DLG2: variants seen among roughly 807,000 people sequenced by gnomAD.
The protein encoded by DLG2 is discs large MAGUK scaffold protein 2.
A neutral mutation model predicts 132.5 loss-of-function variants in DLG2; 45 were observed. The ratio of observed to expected loss-of-function variants is 0.34; its 90% CI spans 0.27 to 0.44. The LOEUF (loss-of-function observed/expected upper bound fraction) is 0.44. DLG2 is among the 20% of genes least tolerant of loss of function. DLG2 has a pLI of 1.00. For missense variants in DLG2, 1,045 were observed against 1,196.9 expected (o/e 0.87, Z 1.87); for synonymous variants, 424 against 419.6 (o/e 1.01, Z -0.13).
intron 6 of DLG2, among the ~76,000 whole-genome samples, chr11:84,544,553 C>T (rs1686831002): frequency 6.6e-6 from 1 of 152,158 alleles, no homozygotes; most frequent in African/African-American, 2.4e-5. Context: ...AAGAGGCAGC[C>T]TCACATAGTG....
At chr11:83,847,395 A>G (rs2058835144) in intron 16 of DLG2, among the ~76,000 whole-genome samples, 1 of 152,216 alleles carries the variant, frequency 6.6e-6, no homozygotes, top group Non-Finnish European at 1.5e-5. Context: ...GCATTATGGT[A>G]TTATGAAACT....
intron 6 of DLG2, among the ~76,000 whole-genome samples, chr11:85,018,921 A>G (rs535685154): frequency 5.3e-5 from 8 of 152,132 alleles, no homozygotes; most frequent in Admixed American, 6.6e-5. Context: ...TCTTAAGACT[A>G]TAACACTTTT....
chr11:83,572,777 G>C (rs139716570), intron 19 of DLG2, among the ~76,000 whole-genome samples: 41 of 152,156 alleles, frequency 2.7e-4, no homozygotes, highest in African/African-American at 8.9e-4. Flanking sequence ...TTGTTGGATG[G>C]GTCTCTTGGT....
intron 3 of DLG2, among the ~76,000 whole-genome samples, chr11:85,341,130 G>GTTTTGT (rs991968904): frequency 6.6e-6 from 1 of 151,686 alleles, no homozygotes; most frequent in Non-Finnish European, 1.5e-5. Context: ...GTTTTGTTTT[G>GTTTTGT]TTTTTTGAGA....
At chr11:84,533,653 C>A (rs1261456885) in intron 7 of DLG2, among the ~76,000 whole-genome samples, 1 of 151,816 alleles carries the variant, frequency 6.6e-6, no homozygotes, top group South Asian at 2.1e-4. Context: ...CCAGAGAACA[C>A]GGGAGACACT....
At chr11:83,995,799 C>A (rs116380455) in intron 11 of DLG2, among the ~76,000 whole-genome samples, 1 of 152,290 alleles carries the variant, frequency 6.6e-6, no homozygotes, top group African/African-American at 2.4e-5. Context: ...AGACCCCTAA[C>A]TATTGCCATA....
intron 5 of DLG2, among the ~76,000 whole-genome samples, chr11:85,146,042 T>C (rs954603434): frequency 5.3e-5 from 8 of 152,082 alleles, no homozygotes; most frequent in Non-Finnish European, 1.2e-4. Flanking sequence ...ACTGAAGCCA[T>C]ATCAACACTG....
intron 3 of DLG2, among the ~76,000 whole-genome samples, chr11:85,352,332 C>T (rs941080321): frequency 1.3e-5 from 2 of 152,016 alleles, no homozygotes; most frequent in Non-Finnish European, 2.9e-5. Context: ...AGTGGTCTAC[C>T]TATTTTGTTG....
At chr11:84,071,023 A>G (rs1479803888) in intron 10 of DLG2, among the ~76,000 whole-genome samples, 1 of 152,142 alleles carries the variant, frequency 6.6e-6, no homozygotes, top group East Asian at 1.9e-4. Context: ...TTTTAGCCAC[A>G]CATCCAATCT....
intron 11 of DLG2, among the ~76,000 whole-genome samples, chr11:84,051,498 A>G (rs1260313610): frequency 1.3e-5 from 2 of 151,818 alleles, no homozygotes; most frequent in East Asian, 1.9e-4. Flanking sequence ...GCTGGAAACC[A>G]TCATTCTCAG....
At chr11:85,438,173 T>C (rs1482962790) in intron 3 of DLG2, among the ~76,000 whole-genome samples, 2 of 152,102 alleles carry the variant, frequency 1.3e-5, no homozygotes, top group Non-Finnish European at 2.9e-5. Context: ...GTGGGAACTA[T>C]AGAGCAAGAA....
At chr11:85,260,273 T>C (rs1159246531) in intron 4 of DLG2, among the ~76,000 whole-genome samples, 1 of 152,238 alleles carries the variant, frequency 6.6e-6, no homozygotes, top group Non-Finnish European at 1.5e-5. Context: ...TTACATTCTA[T>C]AATTAGGACA....
intron 8 of DLG2, among the ~76,000 whole-genome samples, chr11:84,190,759 C>A (rs975092215): frequency 2.0e-5 from 3 of 152,156 alleles, no homozygotes; most frequent in Non-Finnish European, 1.5e-5. Context: ...GTTAAGTGAC[C>A]TTTTGGCCAA....
intron 21 of DLG2, among the ~76,000 whole-genome samples, chr11:83,489,572 A>T (rs11233638): frequency 0.062 from 9,443 of 152,038 alleles, 339 homozygotes; most frequent in South Asian, 0.12. Context: ...ATACTTGTTG[A>T]TCCACTAATT....
In DLG2 at chr11:83,714,756, G is replaced by A. The variant is rs144942176; in HGVS notation, c.1825+71934C>T. ...ATTATTATTATACTTTAAGTTCTAGGGTACATGTGCACAGCATGCAGGTTT... is the reference window on the plus strand; with the variant it reads ...ATTATTATTATACTTTAAGTTCTAGAGTACATGTGCACAGCATGCAGGTTT... On this transcript the variant is annotated intron_variant, in intron 18 of 27. Coordinates refer to ENST00000376104, the MANE Select transcript of DLG2 (RefSeq NM_001142699.3). Among the ~76,000 whole-genome samples the A allele has an allele frequency of 3.5e-4, 54 of 152,168 alleles. 1 individual carries two copies. The East Asian group carries it at 9.6e-3, about 27-fold the overall frequency.
intron 6 of DLG2, among the ~76,000 whole-genome samples, chr11:84,651,823 A>G (rs1187392591): frequency 6.6e-6 from 1 of 152,212 alleles, no homozygotes; most frequent in Non-Finnish European, 1.5e-5. Context: ...ATGAAAGGTG[A>G]AAACTCTGTG....
intron 17 of DLG2, among the ~76,000 whole-genome samples, chr11:83,816,626 G>C (rs1273101248): frequency 6.6e-6 from 1 of 152,016 alleles, no homozygotes; most frequent in Non-Finnish European, 1.5e-5. Flanking sequence ...ACACTAGAAA[G>C]GTAATTATAA....
intron 7 of DLG2, among the ~76,000 whole-genome samples, chr11:84,351,995 T>C (rs1175360380): frequency 6.6e-6 from 1 of 152,216 alleles, no homozygotes; most frequent in Non-Finnish European, 1.5e-5. Flanking sequence ...TTGAGGTAAA[T>C]AGTATCCATC....
At chr11:83,501,409 A>G (rs575158373) in intron 21 of DLG2, among the ~76,000 whole-genome samples, 1 of 152,094 alleles carries the variant, frequency 6.6e-6, no homozygotes, top group South Asian at 2.1e-4. Flanking sequence ...TTCAGAATCC[A>G]GTGAAGCCCA....
Sources: gnomAD v4.1 joint callset for allele counts (sites outside exome capture counted in the v4.1 genomes callset) on GRCh38, gnomAD v4.1.1 for gene constraint, MANE v1.5 for transcripts, NCBI Gene and HGNC (gene_info 2026-07-23, HGNC 2026-07-21) for gene names.